PIGK: variants seen among roughly 807,000 people sequenced by gnomAD.
PIGK encodes the protein GPI-anchor transamidase.
In PIGK, 42 loss-of-function variants were observed where a neutral mutation model predicts 50.6. That is an observed-to-expected ratio of 0.83 (90% CI 0.65 to 1.07). The LOEUF is 1.07. PIGK is among the 50% of genes least tolerant of loss of function. The pLI, the probability that PIGK is intolerant of heterozygous loss-of-function variation, is 0.00. For synonymous variants in PIGK, 151 were observed against 156.0 expected (o/e 0.97, Z 0.24); for missense variants, 448 against 488.7 (o/e 0.92, Z 0.78).
rs115234512 is a variant in PIGK, at chr1:77,196,412, G to A, written c.239+10228C>T. Reference sequence around the variant, plus strand: ...ACAAATCTCCAAACTACTTTCCACCGTAACTGAACTAATTTACATTCCTAC... The same window carrying A: ...ACAAATCTCCAAACTACTTTCCACCATAACTGAACTAATTTACATTCCTAC... On this transcript the variant is annotated intron_variant, in intron 3 of 10. Coordinates refer to ENST00000370812, the MANE Select transcript of PIGK (RefSeq NM_005482.3). Among the ~76,000 whole-genome samples the A allele has an allele frequency of 5.7e-3, 860 of 152,198 alleles. 12 individuals are homozygous for A. Among genetic ancestry groups the A allele is most frequent in the African/African-American group, 0.019 (790 of 41,532 alleles).
At chr1:77,159,782 A>G (rs906770279) in intron 8 of PIGK, among the ~76,000 whole-genome samples, 8 of 152,128 alleles carry the variant, frequency 5.3e-5, no homozygotes, top group Non-Finnish European at 1.2e-4. Flanking sequence ...CTGTACCCCC[A>G]TTGTATCTAG....
chr1:77,110,491 C>G (rs1191020733), intron 10 of PIGK, among the ~76,000 whole-genome samples: 2 of 151,932 alleles, frequency 1.3e-5, no homozygotes, highest in African/African-American at 2.4e-5. Flanking sequence ...ACAAACCTGA[C>G]AAAAACAAGA....
At chr1:77,118,563 T>A (rs1654028493) in intron 10 of PIGK, among the ~76,000 whole-genome samples, 1 of 152,246 alleles carries the variant, frequency 6.6e-6, no homozygotes, top group Non-Finnish European at 1.5e-5. Flanking sequence ...AAAGTTCTCA[T>A]CCAAAAATTT....
intron 10 of PIGK, among the ~76,000 whole-genome samples, chr1:77,099,783 C>A (rs1176848141): frequency 6.6e-6 from 1 of 152,016 alleles, no homozygotes; most frequent in East Asian, 1.9e-4. Context: ...TCATTTGTGT[C>A]CATTAGAGCT....
At chr1:77,215,667 C>T (rs1656542028) in intron 1 of PIGK, among the ~76,000 whole-genome samples, 1 of 152,114 alleles carries the variant, frequency 6.6e-6, no homozygotes, top group Non-Finnish European at 1.5e-5. Flanking sequence ...TAGCATCAAC[C>T]TGAGTGTCTA....
rs999943733 is a variant in PIGK at position 77,090,743 on chromosome 1, A to G, written c.*1631T>C. 2 of 152,212 alleles carry G rather than the reference A, an allele frequency of 1.3e-5. No individual in the cohort carries two copies. Among genetic ancestry groups the G allele is most frequent in the African/African-American group, 4.8e-5 (2 of 41,454 alleles). The allele number at this position is 152,212 out of a possible 1,614,324, so 9.4% of individuals were successfully genotyped here. On this transcript the variant is annotated 3_prime_UTR_variant, in exon 11 of 11. Transcript: ENST00000370812. ...GTCTCAGTGCTACTATAATCAGTCT[A>G]TTCAATTGCAAGTTTATTTTCCCTT... is the stretch of plus-strand genomic sequence containing the variant.
At chr1:77,125,139 C>T (rs886329918) in intron 9 of PIGK, among the ~76,000 whole-genome samples, 4 of 152,140 alleles carry the variant, frequency 2.6e-5, no homozygotes, top group Non-Finnish European at 4.4e-5. Flanking sequence ...GTCTCTTACT[C>T]AATATAAAAG....
chr1:77,092,632 G>C, intron 10 of PIGK, 142 bp from the exon 11 acceptor site: 1 of 617,904 alleles, frequency 1.6e-6, no homozygotes, highest in South Asian at 1.9e-5. Context: ...CATTGGGATA[G>C]CAACAATGGT....
intron 3 of PIGK, among the ~76,000 whole-genome samples, chr1:77,193,893 G>A (rs1221147412): frequency 1.3e-5 from 2 of 152,080 alleles, no homozygotes; most frequent in Non-Finnish European, 2.9e-5. Context: ...CATCAGCAGA[G>A]TAAACAATCT....
At chr1:77,143,302 T>C (rs777094407) in intron 9 of PIGK, among the ~76,000 whole-genome samples, 5 of 152,142 alleles carry the variant, frequency 3.3e-5, no homozygotes, top group African/African-American at 9.6e-5. Flanking sequence ...TCTAAAAATA[T>C]GCCATAAGTA....
At chr1:77,121,619 C>G (rs1296357135) in intron 10 of PIGK, among the ~76,000 whole-genome samples, 1 of 152,148 alleles carries the variant, frequency 6.6e-6, no homozygotes, top group Non-Finnish European at 1.5e-5. Context: ...TTTCTGAAAT[C>G]TCTGCTAGGT....
intron 10 of PIGK, among the ~76,000 whole-genome samples, chr1:77,111,441 ATTCC>A (rs1306481377): frequency 4.6e-5 from 7 of 152,086 alleles, no homozygotes; most frequent in African/African-American, 1.7e-4. Context: ...AAAATGATGA[ATTCC>A]TGTCCTTTGT....
At chr1:77,164,395 C>A (rs1168505141) in intron 5 of PIGK, among the ~76,000 whole-genome samples, 1 of 152,142 alleles carries the variant, frequency 6.6e-6, no homozygotes. Context: ...GGTAACTATG[C>A]CATGTTAGTT....
At chr1:77,121,435 T>G (rs1308213076) in intron 10 of PIGK, among the ~76,000 whole-genome samples, 3 of 152,208 alleles carry the variant, frequency 2.0e-5, no homozygotes, top group Non-Finnish European at 4.4e-5. Context: ...TAAAAGCCTC[T>G]GTTTCTTTTA....
At chr1:77,143,618 C>T (rs1357614304) in intron 9 of PIGK, among the ~76,000 whole-genome samples, 1 of 152,030 alleles carries the variant, frequency 6.6e-6, no homozygotes, top group African/African-American at 2.4e-5. Flanking sequence ...CCTGAAAAAA[C>T]AACAATCATA....
chr1:77,092,630 T>C (rs1232812719), intron 10 of PIGK, 140 bp from the exon 11 acceptor site: 1 of 624,326 alleles, frequency 1.6e-6, no homozygotes. Context: ...CACATTGGGA[T>C]AGCAACAATG....
intron 8 of PIGK, among the ~76,000 whole-genome samples, chr1:77,156,816 G>A (rs77037821): frequency 0.012 from 1,839 of 152,178 alleles, 38 homozygotes; most frequent in African/African-American, 0.042. Context: ...TATTCAATGA[G>A]CATCTACAAA....
rs190884972 is a variant in PIGK, at chr1:77,174,868, G to A, written c.240-5473C>T. ...GACTCCACTCTAAAGCCAGTAATCC[G>A]ATTAAAAACCTTAAAAACTGGCAAA... On this transcript the variant is annotated intron_variant, in intron 3 of 10. Coordinates refer to ENST00000370812, the MANE Select transcript of PIGK (RefSeq NM_005482.3). Among the ~76,000 whole-genome samples the A allele has an allele frequency of 2.2e-3, 336 of 152,164 alleles. 2 individuals carry two copies. The highest frequency in any genetic ancestry group is 3.9e-3 in the Non-Finnish European group (263 of 68,008).
intron 9 of PIGK, among the ~76,000 whole-genome samples, chr1:77,124,298 A>G (rs1654176272): frequency 6.6e-6 from 1 of 152,168 alleles, no homozygotes; most frequent in Non-Finnish European, 1.5e-5. Context: ...TTAAAAGTTT[A>G]TTTACATTAT....
Sources: allele counts gnomAD v4.1 joint callset (sites outside exome capture counted in the v4.1 genomes callset), GRCh38; gene constraint gnomAD v4.1.1; transcripts MANE v1.5; gene names NCBI Gene and HGNC (gene_info 2026-07-23, HGNC 2026-07-21).